Variants in ACTR3B observed in about 807,000 individuals in gnomAD.
The protein encoded by ACTR3B is actin related protein 3B.
In ACTR3B, 8 loss-of-function variants were observed where a neutral mutation model predicts 59.0. The ratio of observed to expected loss-of-function variants is 0.14; its 90% CI spans 0.08 to 0.24. The LOEUF (loss-of-function observed/expected upper bound fraction) is 0.24, where lower values mean the gene tolerates loss of function less well. Among genes scored for constraint, ACTR3B ranks in the 10% least tolerant of loss-of-function variants. The pLI, the probability that ACTR3B is intolerant of heterozygous loss-of-function variation, is 1.00. For missense variants in ACTR3B, 245 were observed against 552.3 expected, an observed-to-expected ratio of 0.44 and a Z score of 5.58; for synonymous variants, 148 against 197.9, an observed-to-expected ratio of 0.75 and a Z score of 2.12.
At position 152,825,034 on chromosome 7, in the gene ACTR3B, C is replaced by T; in HGVS notation, c.863C>T (p.Ala288Val). The T allele has an allele frequency of 6.2e-7, 1 of 1,612,120 alleles. No homozygotes were observed. The change falls in exon 9 of 12, where the codon GCC (alanine) becomes GTC (valine). Residue 288 changes from alanine to valine, a missense_variant. By Grantham distance (64) the Ala-to-Val change is moderately conservative. Coordinates refer to ENST00000256001, the MANE Select transcript of ACTR3B (RefSeq NM_020445.6). ...TTATATTGATACACAATTCAGTTTG[C>T]CAACCCAGACTTTATGGAGTCCATC... is the stretch of plus-strand genomic sequence containing the variant. ...GPEIFFHPEF[A>V]NPDFMESISD...
intron 9 of ACTR3B, among the ~76,000 whole-genome samples, chr7:152,839,446 T>TG (rs1266035704): frequency 6.8e-6 from 1 of 146,572 alleles, no homozygotes; most frequent in African/African-American, 2.6e-5. Flanking sequence ...TGCCTCAGCG[T>TG]CCTTCTCGGC....
At chr7:152,760,016 G>A (rs912707920) in intron 1 of ACTR3B, 90 bp downstream of exon 1, 4 of 1,169,374 alleles carry the variant, frequency 3.4e-6, no homozygotes, top group Non-Finnish European at 3.3e-6. Flanking sequence ...AGCTGCGTCC[G>A]TCGCCCCGGG....
chr7:152,785,501 G>GAGAC (rs1228527951), intron 2 of ACTR3B, among the ~76,000 whole-genome samples: 2 of 120,580 alleles, frequency 1.7e-5, no homozygotes, highest in Non-Finnish European at 3.4e-5. Context: ...GACAGAGAGA[G>GAGAC]AGAGAGAGAG....
rs536954766 is a variant in ACTR3B at position 152,759,804 on chromosome 7, G to T, written c.-79G>T. 1.4e-4 allele frequency: 155 copies of T among 1,097,550 alleles called. 1 individual carries two copies. In the East Asian group the frequency reaches 3.8e-3, roughly 27 times the overall value. 68.0% of individuals were successfully genotyped at this position (1,097,550 alleles called of 1,614,324 possible). On this transcript the variant is annotated 5_prime_UTR_variant, in exon 1 of 12. Coordinates refer to ENST00000256001, the MANE Select transcript of ACTR3B (RefSeq NM_020445.6). ...GCGGCTCGCGGGAGACGCTGCGCGCGGGGCTAGCGGGCGGCGGAGCGGACG... is the reference window on the plus strand; with the variant it reads ...GCGGCTCGCGGGAGACGCTGCGCGCTGGGCTAGCGGGCGGCGGAGCGGACG...
intron 1 of ACTR3B, among the ~76,000 whole-genome samples, chr7:152,775,945 C>T (rs544353733): frequency 3.3e-5 from 5 of 152,054 alleles, no homozygotes; most frequent in African/African-American, 7.2e-5. Flanking sequence ...AAAAGGCAGA[C>T]GTGTAACTAT....
At chr7:152,795,513 A>G (rs557180744) in intron 2 of ACTR3B, among the ~76,000 whole-genome samples, 5 of 152,364 alleles carry the variant, frequency 3.3e-5, no homozygotes, top group Admixed American at 1.3e-4. Flanking sequence ...AGAAAATTCT[A>G]TAGCCTGACT....
intron 2 of ACTR3B, among the ~76,000 whole-genome samples, chr7:152,797,579 C>T (rs1256029792): frequency 1.3e-5 from 2 of 152,094 alleles, no homozygotes; most frequent in African/African-American, 4.8e-5. Flanking sequence ...TGCAATATAT[C>T]GTCATTAACT....
intron 4 of ACTR3B, among the ~76,000 whole-genome samples, chr7:152,808,896 G>A (rs2098260713): frequency 6.6e-6 from 1 of 152,184 alleles, no homozygotes; most frequent in Non-Finnish European, 1.5e-5. Context: ...TGAGATAGGT[G>A]ATGTTATTAG....
At chr7:152,837,336 TC>T (rs1281283683) in intron 9 of ACTR3B, among the ~76,000 whole-genome samples, 1 of 152,272 alleles carries the variant, frequency 6.6e-6, no homozygotes, top group Non-Finnish European at 1.5e-5. Context: ...TCTCTTTTTT[TC>T]TGCTTTTTCC....
At chr7:152,839,236 C>T (rs2689554) in intron 9 of ACTR3B, among the ~76,000 whole-genome samples, 108,908 of 136,546 alleles carry the variant, frequency 0.8, 44,292 homozygotes, top group African/African-American at 0.88. Context: ...GTGGTTAGAG[C>T]GCTGTGCTGA....
chr7:152,849,757 C>T lies in ACTR3B; in HGVS notation c.952-2369C>T, dbSNP rs897961738. Among the ~76,000 whole-genome samples, 5 of 152,386 alleles carry T rather than the reference C, an allele frequency of 3.3e-5. No individual in the cohort carries two copies. In the South Asian group the frequency reaches 1.0e-3, roughly 32 times the overall value. On this transcript the variant is annotated intron_variant, in intron 9 of 11. Transcript: ENST00000256001. ...TTCACCTTAGCAACTGGAGCAGCTA[C>T]AGCATGTTACATGATTTATCTAACA...
Position 152,854,442 on chromosome 7 carries a change from C to T in ACTR3B, c.1162-16C>T, listed in dbSNP as rs1590495038. 6.2e-7 allele frequency: 1 copy of T among 1,610,516 alleles called. No individual in the cohort carries two copies. The highest frequency in any genetic ancestry group is 1.3e-5 in the African/African-American group (1 of 74,936). On this transcript the variant is annotated splice_polypyrimidine_tract_variant and intron_variant, in intron 11 of 11. Coordinates refer to ENST00000256001, the MANE Select transcript of ACTR3B (RefSeq NM_020445.6). This position sits in a 1 kb window ranked among gnomAD's most constrained non-coding sequence, Gnocchi z 4.9. ...CTGAAATGAGTGTCTTTCTGTCTGC[C>T]TGTTGCCTCTCGTAGCCCGAGTTCT...
chr7:152,852,042 C>T (rs1798846702), intron 9 of ACTR3B, 84 bp from the exon 10 acceptor site: 3 of 1,584,526 alleles, frequency 1.9e-6, no homozygotes, highest in Non-Finnish European at 2.6e-6. Flanking sequence ...AGCGATTGGA[C>T]CTGTGGGAGT....
chr7:152,821,840 C>G (rs187870896), intron 7 of ACTR3B, among the ~76,000 whole-genome samples: 3 of 152,182 alleles, frequency 2.0e-5, no homozygotes, highest in African/African-American at 4.8e-5. Context: ...GAGCTCCCCC[C>G]GCTTCCCCTT....
At chr7:152,822,899 C>T (rs1796286747) in intron 7 of ACTR3B, among the ~76,000 whole-genome samples, 1 of 152,200 alleles carries the variant, frequency 6.6e-6, no homozygotes. Flanking sequence ...AAAGAAGCCG[C>T]TGCAGTCAGG....
chr7:152,851,448 G>GT (rs1344879909), intron 9 of ACTR3B, among the ~76,000 whole-genome samples: 1 of 152,228 alleles, frequency 6.6e-6, no homozygotes, highest in East Asian at 1.9e-4. Context: ...GAGGATGTCA[G>GT]TGGCTGCAGG....
chr7:152,828,884 G>A (rs544119412), intron 9 of ACTR3B, among the ~76,000 whole-genome samples: 2 of 152,124 alleles, frequency 1.3e-5, no homozygotes, highest in African/African-American at 4.8e-5. Flanking sequence ...CTTCAGAAGA[G>A]GTCGTCTCTC....
intron 1 of ACTR3B, among the ~76,000 whole-genome samples, chr7:152,763,955 C>T (rs2098099493): frequency 6.6e-6 from 1 of 152,050 alleles, no homozygotes; most frequent in South Asian, 2.1e-4. Context: ...TAAATTGTCC[C>T]AGATTTTGCC....
At chr7:152,847,256 G>C (rs10271502) in intron 9 of ACTR3B, among the ~76,000 whole-genome samples, 1 of 152,154 alleles carries the variant, frequency 6.6e-6, no homozygotes, top group African/African-American at 2.4e-5. Context: ...AGTCCGCTCC[G>C]CAGGGCTCAC....
Sources: gnomAD v4.1 joint callset for allele counts (sites outside exome capture counted in the v4.1 genomes callset) on GRCh38, gnomAD v4.1.1 for gene constraint, Gnocchi (gnomAD v3.1) non-coding constraint, MANE v1.5 for transcripts, NCBI Gene and HGNC (gene_info 2026-07-23, HGNC 2026-07-21) for gene names.